Variants in DCAF1 observed in about 807,000 individuals in gnomAD.
DCAF1 encodes DDB1 and CUL4 associated factor 1.
In DCAF1, 15 loss-of-function variants were observed where a neutral mutation model predicts 128.0. The ratio of observed to expected loss-of-function variants is 0.12; its 90% CI spans 0.08 to 0.18. DCAF1 has a LOEUF of 0.18. Ranked by LOEUF, DCAF1 falls within the 10% of genes least tolerant of loss-of-function variation. DCAF1 has a pLI of 1.00. For missense variants in DCAF1, 988 were observed against 1,649.5 expected (o/e 0.60, Z 6.95); for synonymous variants, 610 against 603.0 (o/e 1.01, Z -0.17).
intron 6 of DCAF1, among the ~76,000 whole-genome samples, chr3:51,460,824 T>G (rs1477796885): frequency 6.6e-6 from 1 of 150,480 alleles, no homozygotes; most frequent in Non-Finnish European, 1.5e-5. Flanking sequence ...GATTCCCTAT[T>G]TAATAAATGG....
rs542322612 is a variant in DCAF1, at chr3:51,427,654, A to T, written c.1678-113T>A. The T allele has an allele frequency of 6.9e-6, 3 of 434,498 alleles. No individual in the cohort carries two copies. In the Admixed American group the frequency reaches 1.3e-4, roughly 18 times the overall value. 26.9% of individuals were successfully genotyped at this position (434,498 alleles called of 1,614,324 possible). On this transcript the variant is annotated intron_variant, in intron 12 of 24. Transcript: ENST00000684031. ...TTTTATTTTATTTACTTATTTCAAG[A>T]CAGGGTCTCACTTTGCTGCCCAGGC...
chr3:51,489,544 T>C (rs1707372952), intron 2 of DCAF1, among the ~76,000 whole-genome samples: 1 of 151,916 alleles, frequency 6.6e-6, no homozygotes, highest in Non-Finnish European at 1.5e-5. Flanking sequence ...ATTTCAGAAC[T>C]TTGGGAGGCC....
chr3:51,460,379 A>C (rs1703406911), intron 6 of DCAF1, among the ~76,000 whole-genome samples: 1 of 152,174 alleles, frequency 6.6e-6, no homozygotes, highest in African/African-American at 2.4e-5. Context: ...CTTCAAGGAG[A>C]ACTACAAACC....
intron 13 of DCAF1, 73 bp from the exon 14 acceptor site, chr3:51,422,504 A>G: frequency 1.4e-6 from 1 of 708,616 alleles, no homozygotes; most frequent in East Asian, 2.7e-5. Context: ...AGAGAGAGAC[A>G]CACAGACAGA....
At chr3:51,499,362 G>A (rs2118136) in intron 1 of DCAF1, among the ~76,000 whole-genome samples, 109 of 152,284 alleles carry the variant, frequency 7.2e-4, no homozygotes, top group African/African-American at 2.5e-3. Flanking sequence ...CACGGTCCAA[G>A]AGGCAGGCGG....
At chr3:51,462,028 G>A (rs1222040126) in intron 6 of DCAF1, among the ~76,000 whole-genome samples, 8 of 151,568 alleles carry the variant, frequency 5.3e-5, no homozygotes, top group East Asian at 1.9e-4. Context: ...AAAACTGCAC[G>A]TTGTGCACAT....
At chr3:51,409,279 CA>C (rs1698184543) in intron 23 of DCAF1, among the ~76,000 whole-genome samples, 2 of 152,166 alleles carry the variant, frequency 1.3e-5, no homozygotes, top group Admixed American at 1.3e-4. Context: ...CTTCCACAGC[CA>C]GCCACCAACC....
chr3:51,431,711 G>A (rs2107564811), intron 10 of DCAF1, among the ~76,000 whole-genome samples: 1 of 152,060 alleles, frequency 6.6e-6, no homozygotes, highest in East Asian at 1.9e-4. Flanking sequence ...CAGCACTTTG[G>A]GAAGCCATGG....
At chr3:51,444,549 G>T in intron 6 of DCAF1, among the ~76,000 whole-genome samples, 1 of 151,214 alleles carries the variant, frequency 6.6e-6, no homozygotes, top group South Asian at 2.1e-4. Flanking sequence ...ACGGGGTTTC[G>T]CTATGTTGGC....
intron 3 of DCAF1, among the ~76,000 whole-genome samples, chr3:51,477,108 G>C (rs1553650859): frequency 6.6e-6 from 1 of 151,788 alleles, no homozygotes; most frequent in Non-Finnish European, 1.5e-5. Flanking sequence ...AAGCCCACTC[G>C]CACAGCTTGG....
At chr3:51,450,254 G>A (rs1286669954) in intron 6 of DCAF1, among the ~76,000 whole-genome samples, 1 of 152,142 alleles carries the variant, frequency 6.6e-6, no homozygotes, top group African/African-American at 2.4e-5. Flanking sequence ...TGACTGGGAG[G>A]TAACACTTCC....
chr3:51,403,729 G>C (rs1277405589), intron 23 of DCAF1, among the ~76,000 whole-genome samples: 3 of 152,178 alleles, frequency 2.0e-5, no homozygotes, highest in African/African-American at 4.8e-5. Context: ...ATCAACCAAA[G>C]CAAGTGAAAT....
chr3:51,486,193 C>CT (rs35273248), intron 2 of DCAF1, among the ~76,000 whole-genome samples: 1,870 of 113,318 alleles, frequency 0.017, 18 homozygotes, highest in South Asian at 0.027. Flanking sequence ...CCGGCAGATT[C>CT]TTTTTTTTTT....
At chr3:51,478,195 C>A (rs535696542) in intron 3 of DCAF1, among the ~76,000 whole-genome samples, 11 of 151,948 alleles carry the variant, frequency 7.2e-5, no homozygotes, top group Non-Finnish European at 1.5e-4. Flanking sequence ...GTAGAGACAA[C>A]AGTCTCACCA....
chr3:51,403,369 ATCT>A lies in DCAF1; in HGVS notation c.4236_4238del (p.Glu1412del), dbSNP rs2089873893. 2 of 1,552,700 alleles carry A rather than the reference ATCT, an allele frequency of 1.3e-6. No individual in the cohort carries two copies. The highest frequency in any genetic ancestry group is 8.7e-7 in the Non-Finnish European group (1 of 1,147,502). ...CGGTGTCATCATCATCTTCATCATC[ATCT>A]TCTTCCTCCTGTTCTTCCTCTTCCT... On this transcript the variant is annotated inframe_deletion, in exon 24 of 25. Transcript: ENST00000684031.
intron 3 of DCAF1, among the ~76,000 whole-genome samples, chr3:51,478,232 T>C (rs1705723128): frequency 6.6e-6 from 1 of 152,098 alleles, no homozygotes; most frequent in South Asian, 2.1e-4. Flanking sequence ...TTTGAGCTCC[T>C]GAGCTCAAGC....
intron 9 of DCAF1, among the ~76,000 whole-genome samples, chr3:51,440,731 C>A (rs1344866969): frequency 2.0e-5 from 3 of 152,088 alleles, no homozygotes; most frequent in Non-Finnish European, 2.9e-5. Context: ...CATGGTGAAA[C>A]CCCATCTCTA....
At chr3:51,404,064 A>G (rs893836054) in intron 23 of DCAF1, among the ~76,000 whole-genome samples, 2 of 152,252 alleles carry the variant, frequency 1.3e-5, no homozygotes, top group African/African-American at 4.8e-5. Flanking sequence ...TTACCAGAAC[A>G]TCAATGAAAT....
intron 23 of DCAF1, among the ~76,000 whole-genome samples, chr3:51,405,613 T>C (rs554263718): frequency 6.6e-6 from 1 of 152,348 alleles, no homozygotes; most frequent in East Asian, 1.9e-4. Flanking sequence ...TTTCTCACCA[T>C]GCATTTTGTC....
Sources: allele counts gnomAD v4.1 joint callset (sites outside exome capture counted in the v4.1 genomes callset), GRCh38; gene constraint gnomAD v4.1.1; transcripts MANE v1.5; gene names NCBI Gene and HGNC (gene_info 2026-07-23, HGNC 2026-07-21).